Variants in GOT1L1 observed in about 807,000 individuals in gnomAD.
The protein encoded by GOT1L1 is aspartate aminotransferase, cytoplasmic 2.
GOT1L1 carries 38 observed loss-of-function variants against 43.6 expected under a neutral mutation model. The observed-to-expected ratio is 0.87, with a 90% CI of 0.67 to 1.14. The LOEUF (loss-of-function observed/expected upper bound fraction) is 1.14, where lower values mean the gene tolerates loss of function less well. Ranked by LOEUF, GOT1L1 falls within the 50% of genes most tolerant of loss-of-function variation. The pLI is 0.00. For synonymous variants in GOT1L1, 183 were observed against 187.2 expected, an observed-to-expected ratio of 0.98 and a Z score of 0.18; for missense variants, 482 against 504.0, an observed-to-expected ratio of 0.96 and a Z score of 0.42.
rs752386219 is a variant in GOT1L1, at chr8:37,936,716, A to C, written c.763+4T>G. 6.2e-7 allele frequency: 1 copy of C among 1,609,042 alleles called. No homozygotes were observed. Among genetic ancestry groups the C allele is most frequent in the Non-Finnish European group, 8.5e-7 (1 of 1,175,980 alleles). On this transcript the variant is annotated splice_donor_region_variant and intron_variant, in intron 6 of 8. Transcript: ENST00000307599. ...GACCCTCCCTTCTTCTGCCTGTACC[A>C]TACCATAAATGCCAAAATTCTTGGA...
At chr8:37,934,846 G>T in intron 8 of GOT1L1, 1 of 593,056 alleles carries the variant, frequency 1.7e-6, no homozygotes. Context: ...AAAGTGTTGG[G>T]ATTACAGGCA....
intron 1 of GOT1L1, among the ~76,000 whole-genome samples, chr8:37,939,426 AAAAAAATATATATATATATATAT>A (rs1563389566): frequency 1.8e-5 from 1 of 54,602 alleles, no homozygotes; most frequent in African/African-American, 8.3e-5. Context: ...GAAAAAAAAA[AAAAAAATATATATATATATATAT>A]ATATATATAT....
intron 6 of GOT1L1, 109 bp from the exon 7 acceptor site, chr8:37,935,978 C>A: frequency 8.0e-7 from 1 of 1,252,368 alleles, no homozygotes; most frequent in Non-Finnish European, 1.1e-6. Flanking sequence ...AACCACAAGG[C>A]CCTCATTGCA....
In GOT1L1 at chr8:37,935,667, C is replaced by T. The variant is rs149111228; in HGVS notation, c.929+37G>A. The T allele has an allele frequency of 1.5e-4, 222 of 1,512,366 alleles. 1 individual carries two copies. The African/African-American group carries it at 2.7e-3, about 18-fold the overall frequency. 93.7% of individuals were successfully genotyped at this position (1,512,366 alleles called of 1,614,324 possible). On this transcript the variant is annotated intron_variant, in intron 7 of 8. Transcript: ENST00000307599. ...CAGCAGGTCTGCAGGCACCCAGGGC[C>T]TCTCCCATCCCTTCCTGCTCCAGCC...
At position 37,939,432 on chromosome 8, in the gene GOT1L1, ATATATATATAT is replaced by A. The variant is rs1259459032; in HGVS notation, c.115+472_115+482del. 6.2e-3 allele frequency among the ~76,000 whole-genome samples: 405 copies of A among 65,482 alleles called. 22 individuals are homozygous for A. Among genetic ancestry groups the A allele is most frequent in the African/African-American group, 0.023 (367 of 15,994 alleles). 43.0% of individuals were successfully genotyped at this position (65,482 alleles called of 152,430 possible). A position where few individuals can be genotyped will look rare whatever the true frequency, so the allele number is the denominator to read the frequency against. ...CTGTCTCAAGAAAAAAAAAAAAAAA[ATATATATATAT>A]ATATATATATATATATATATATATA... is the stretch of plus-strand genomic sequence containing the variant. On this transcript the variant is annotated intron_variant, in intron 1 of 8. Coordinates refer to ENST00000307599, the MANE Select transcript of GOT1L1 (RefSeq NM_152413.3).
chr8:37,934,730 C>T (rs1036713136), intron 8 of GOT1L1, among the ~76,000 whole-genome samples: 3 of 152,104 alleles, frequency 2.0e-5, no homozygotes, highest in South Asian at 2.1e-4. Flanking sequence ...CCACCATGCA[C>T]GGCTAATTTT....
At chr8:37,934,833 C>T (rs1245746342) in intron 8 of GOT1L1, 20 of 579,348 alleles carry the variant, frequency 3.5e-5, no homozygotes, top group South Asian at 3.4e-4. Context: ...GCCTCGGCCT[C>T]TCAAAGTGTT....
chr8:37,935,109 C>G lies in GOT1L1; in HGVS notation c.1036G>C (p.Glu346Gln). ...GTPGSWGHIT[E>Q]QSGTHGYLGL... ...AGATAGCCGTGGGTCCCACTCTGCT[C>G]GGTGATGTGACCCCAGGACCCAGGG... The change falls in exon 8 of 9, where the codon GAG becomes CAG. Residue 346 changes from glutamate to glutamine, a missense_variant. By Grantham distance (29) the Glu-to-Gln change is conservative. Coordinates refer to ENST00000307599, the MANE Select transcript of GOT1L1 (RefSeq NM_152413.3). The G allele has an allele frequency of 6.2e-7, 1 of 1,613,662 alleles. No homozygotes were observed. The highest frequency in any genetic ancestry group is 8.5e-7 in the Non-Finnish European group (1 of 1,179,632).
At chr8:37,939,431 A>ATATATATATAT (rs1554537597) in intron 1 of GOT1L1, among the ~76,000 whole-genome samples, 1 of 41,696 alleles carries the variant, frequency 2.4e-5, no homozygotes, top group East Asian at 8.6e-4. Flanking sequence ...AAAAAAAAAA[A>ATATATATATAT]ATATATATAT....
chr8:37,936,451 C>A (rs1303734336), intron 6 of GOT1L1, among the ~76,000 whole-genome samples: 1 of 151,986 alleles, frequency 6.6e-6, no homozygotes, highest in East Asian at 1.9e-4. Context: ...CAGGTGTCAC[C>A]CACCATGCCA....
intron 1 of GOT1L1, 75 bp downstream of exon 1, chr8:37,939,840 C>A: frequency 1.4e-6 from 2 of 1,439,640 alleles, no homozygotes; most frequent in South Asian, 2.6e-5. Context: ...CCTCCCCCTG[C>A]AGCAGGGAAC....
In GOT1L1 at chr8:37,937,702, G is replaced by A. The variant is rs200744871; in HGVS notation, c.345C>T (p.Gly115=). Residue 115 remains glycine (G), a synonymous_variant, in exon 3 of 9, where the codon GGC becomes GGT. Transcript: ENST00000307599. ...TATGCCAAGCTCTGAGAAACTGGAC[G>A]CCAAGCTGGAAGGCACCACTGTCAC... is the stretch of plus-strand genomic sequence containing the variant. The part of the protein sequence containing the change: ...TVGDSGAFQL[G]VQFLRAWHKD... The A allele has an allele frequency of 3.2e-4, 509 of 1,613,124 alleles. 2 individuals are homozygous for A. In the African/African-American group the frequency reaches 5.4e-3, roughly 17 times the overall value.
Position 37,938,709 on chromosome 8 carries a change from C to T in GOT1L1, c.288G>A (p.Val96=). The part of the protein sequence containing the change: ...LLFGKHSQAI[V]ENRVGGVHTV... ...GGGCCCACCTTCTCACCCTGTTCTCCACAATGGCTTGGCTGTGCTTTCCAA... is the reference window on the plus strand; with the variant it reads ...GGGCCCACCTTCTCACCCTGTTCTCTACAATGGCTTGGCTGTGCTTTCCAA... The change falls in exon 2 of 9, where the codon GTG becomes GTA. Residue 96 remains valine (V), a synonymous_variant. Transcript: ENST00000307599. 1 of 1,586,106 alleles carries T rather than the reference C, an allele frequency of 6.3e-7. No individual in the cohort carries two copies. Among genetic ancestry groups the T allele is most frequent in the Non-Finnish European group, 8.6e-7 (1 of 1,165,396 alleles).
At chr8:37,939,434 ATATATATATATATATAT>A (rs1371723203) in intron 1 of GOT1L1, among the ~76,000 whole-genome samples, 8,594 of 57,892 alleles carry the variant, frequency 0.15, 1,176 homozygotes, top group African/African-American at 0.26. Context: ...AAAAAAAAAT[ATATATATATATATATAT>A]ATATATATAT....
intron 1 of GOT1L1, among the ~76,000 whole-genome samples, chr8:37,939,431 AATATATATATATATATATATATATAT>A (rs1188997870): frequency 1.2e-4 from 5 of 41,712 alleles, no homozygotes; most frequent in African/African-American, 2.6e-4. Flanking sequence ...AAAAAAAAAA[AATATATATATATATATATATATATAT>A]ATATATATAT....
intron 7 of GOT1L1, among the ~76,000 whole-genome samples, chr8:37,935,421 A>C (rs541940592): frequency 1.3e-5 from 2 of 152,224 alleles, no homozygotes; most frequent in South Asian, 4.1e-4. Flanking sequence ...CCAGAGTTGC[A>C]AGCCCCTGAT....
At position 37,939,984 on chromosome 8, in the gene GOT1L1, G is replaced by A; in HGVS notation, c.46C>T (p.Leu16=). 6.2e-7 allele frequency: 1 copy of A among 1,613,660 alleles called. No individual in the cohort carries two copies. The highest frequency in any genetic ancestry group is 8.5e-7 in the Non-Finnish European group (1 of 1,179,660). The change falls in exon 1 of 9, where the codon CTA becomes TTA. Residue 16 remains leucine, a synonymous_variant. Transcript: ENST00000307599. The stretch of plus-strand genomic sequence containing the variant: ...TAGGTCTTTAACAAGCTGCCCTCTA[G>A]CTTGTGGGCGAGGGGCACATCCATG... ...VFMDVPLAHK[L]EGSLLKTYKQ...
chr8:37,938,632 A>G, intron 2 of GOT1L1, 68 bp downstream of exon 2: 2 of 1,418,602 alleles, frequency 1.4e-6, no homozygotes, highest in South Asian at 2.8e-5. Flanking sequence ...CTTCGGGTTT[A>G]AGGTTGTGCA....
chr8:37,938,381 AGT>A (rs1186623177), intron 2 of GOT1L1, among the ~76,000 whole-genome samples: 9 of 152,246 alleles, frequency 5.9e-5, no homozygotes, highest in African/African-American at 2.2e-4. Flanking sequence ...TGGGTGACAG[AGT>A]GAGACTCTGT....
Sources: allele counts gnomAD v4.1 joint callset (sites outside exome capture counted in the v4.1 genomes callset), GRCh38; gene constraint gnomAD v4.1.1; transcripts MANE v1.5; gene names NCBI Gene and HGNC (gene_info 2026-07-23, HGNC 2026-07-21).